The following INO80E variants were observed in gnomAD, a reference collection of about 807,000 sequenced individuals.
INO80E encodes the protein INO80 complex subunit E, also known as coiled-coil domain containing 95.
Under a neutral mutation model 27.3 loss-of-function variants are expected in INO80E, and 20 were observed. That is an observed-to-expected ratio of 0.73 (90% confidence interval 0.51 to 1.06). The LOEUF (loss-of-function observed/expected upper bound fraction) is 1.06, where lower values mean the gene tolerates loss of function less well. Among genes scored for constraint, INO80E ranks in the 50% least tolerant of loss-of-function variants. INO80E has a pLI of 0.00. For missense variants in INO80E, 357 were observed against 322.8 expected, an observed-to-expected ratio of 1.11 and a Z score of -0.81; for synonymous variants, 167 against 145.9, an observed-to-expected ratio of 1.14 and a Z score of -1.04.
Position 30,005,607 on chromosome 16 carries a change from G to T in INO80E, c.*165G>T. 1 of 701,206 alleles carries T rather than the reference G, an allele frequency of 1.4e-6. No homozygotes were observed. Among genetic ancestry groups the T allele is most frequent in the Non-Finnish European group, 2.4e-6 (1 of 420,626 alleles). 43.4% of individuals were successfully genotyped at this position (701,206 alleles called of 1,614,324 possible). A position where few individuals can be genotyped will look rare whatever the true frequency, so the allele number is the denominator to read the frequency against. The stretch of plus-strand genomic sequence containing the variant: ...AACATGCACGGGTGTCCCCCAGGAG[G>T]GTGGCAGGGGCCCTGCCTTCAAACC... On this transcript the variant is annotated 3_prime_UTR_variant, in exon 7 of 7. Coordinates refer to ENST00000563197, the MANE Select transcript of INO80E (RefSeq NM_173618.3).
rs758304357 is a variant in INO80E at position 29,996,404 on chromosome 16, G to A, written c.81+13G>A. On this transcript the variant is annotated intron_variant, in intron 1 of 6. Coordinates refer to ENST00000563197, the MANE Select transcript of INO80E (RefSeq NM_173618.3). Reference sequence around the variant, plus strand: ...GTTCCTCATCTACGTGAGTGCTGCCGCGGGAAGGCTGTGGGGGATGAGGCC... The same window carrying A: ...GTTCCTCATCTACGTGAGTGCTGCCACGGGAAGGCTGTGGGGGATGAGGCC... 6.3e-7 allele frequency: 1 copy of A among 1,580,462 alleles called. No individual in the cohort carries two copies. The highest frequency in any genetic ancestry group is 1.8e-5 in the Admixed American group (1 of 54,862).
intron 1 of INO80E, 48 bp from the exon 2 acceptor site, chr16:29,996,499 C>A: frequency 6.4e-7 from 1 of 1,552,546 alleles, no homozygotes; most frequent in East Asian, 2.4e-5. Flanking sequence ...GTTCCGGGGC[C>A]CTTCACGGAG....
chr16:30,001,293 C>CCGGGAG, intron 5 of INO80E, 121 bp from the exon 6 acceptor site: 1 of 1,492,998 alleles, frequency 6.7e-7, no homozygotes, highest in Admixed American at 2.2e-5. Context: ...CTCGGGAGCC[C>CCGGGAG]CGGGAGCCGC....
intron 5 of INO80E, 152 bp from the exon 6 acceptor site, chr16:30,001,262 C>A: frequency 6.7e-7 from 1 of 1,490,120 alleles, no homozygotes; most frequent in South Asian, 1.3e-5. Context: ...CAGCATCCTG[C>A]TGCTGCCCGG....
At chr16:30,001,778 G>A in intron 6 of INO80E, 1 of 470,520 alleles carries the variant, frequency 2.1e-6, no homozygotes, top group Non-Finnish European at 3.8e-6. Context: ...CATGGCTGCA[G>A]TGTAGCGGGG....
In INO80E at chr16:30,005,308, A is replaced by AACCCCCCCCCCCC; in HGVS notation, c.601_602insACCCCCCCCCCCC (p.Thr201AsnfsTer11). The AACCCCCCCCCCCC allele has an allele frequency of 1.9e-6, 1 of 521,326 alleles. No individual in the cohort carries two copies. Among genetic ancestry groups the AACCCCCCCCCCCC allele is most frequent in the Non-Finnish European group, 3.0e-6 (1 of 335,728 alleles). The allele number at this position is 521,326 out of a possible 1,614,324, so 32.3% of individuals were successfully genotyped here. ...TGGGGCTGGGGTCGGGACAACCCTG[A>AACCCCCCCCCCCC]CCCCCCTCCCACCCCCTAAGATGCC... is the stretch of plus-strand genomic sequence containing the variant. On this transcript the variant is annotated frameshift_variant, in exon 7 of 7. Coordinates refer to ENST00000563197, the MANE Select transcript of INO80E (RefSeq NM_173618.3). LOFTEE classifies it high-confidence loss of function.
intron 6 of INO80E, chr16:30,004,208 T>G (rs2070455366): frequency 6.6e-6 from 1 of 152,390 alleles, no homozygotes; most frequent in Non-Finnish European, 1.5e-5. Context: ...AGGTTCAGCC[T>G]CCTCTGCTGG....
At position 29,996,304 on chromosome 16, in the gene INO80E, GC is replaced by G; in HGVS notation, c.-5del. ...GGCAGACTCTGGGCGCCACTCCCGG[GC>G]CGGTCATGAACGGGCCGGCGGACGG... On this transcript the variant is annotated 5_prime_UTR_variant, in exon 1 of 7. Coordinates refer to ENST00000563197, the MANE Select transcript of INO80E (RefSeq NM_173618.3). 1.9e-6 allele frequency: 3 copies of G among 1,589,104 alleles called. No homozygotes were observed. Among genetic ancestry groups the G allele is most frequent in the Non-Finnish European group, 2.6e-6 (3 of 1,167,804 alleles).
chr16:30,001,575 G>A, intron 6 of INO80E, 45 bp downstream of exon 6: 1 of 1,569,512 alleles, frequency 6.4e-7, no homozygotes, highest in Non-Finnish European at 8.7e-7. Flanking sequence ...ACGGCAGGAG[G>A]ACAGTCACCT....
rs2070325722 is a variant in INO80E at position 30,000,918 on chromosome 16, C to G, written c.285-11C>G. The G allele has an allele frequency of 1.9e-5, 31 of 1,605,554 alleles. No homozygotes were observed. The highest frequency in any genetic ancestry group is 2.6e-5 in the Non-Finnish European group (30 of 1,173,654). On this transcript the variant is annotated splice_polypyrimidine_tract_variant and intron_variant, in intron 4 of 6. Transcript: ENST00000563197. The stretch of plus-strand genomic sequence containing the variant: ...CTAGCCACATCTGACCTCGCCCTGT[C>G]CTTTCTCCAGGAAGAGAAGCCCTCC...
In INO80E at chr16:29,996,246, C is replaced by T; in HGVS notation, c.-65C>T. On this transcript the variant is annotated 5_prime_UTR_variant, in exon 1 of 7. Transcript: ENST00000563197. ...GCGTCTCCGGAAGTGGAGGCGGGAG[C>T]GGCACGGCAGCCACTGCTTGGGGTA... The T allele has an allele frequency of 1.4e-6, 2 of 1,459,210 alleles. No homozygotes were observed. Among genetic ancestry groups the T allele is most frequent in the Non-Finnish European group, 1.9e-6 (2 of 1,065,268 alleles). The allele number at this position is 1,459,210 out of a possible 1,614,324, so 90.4% of individuals were successfully genotyped here. A position where few individuals can be genotyped will look rare whatever the true frequency, so the allele number is the denominator to read the frequency against.
intron 5 of INO80E, 80 bp from the exon 6 acceptor site, chr16:30,001,334 C>T (rs1466430641): frequency 4.0e-6 from 6 of 1,513,620 alleles, no homozygotes; most frequent in Admixed American, 2.1e-5. Flanking sequence ...TTTTTCCATC[C>T]TCCTTCTGTT....
intron 3 of INO80E, among the ~76,000 whole-genome samples, chr16:29,998,994 G>A (rs1320355447): frequency 2.0e-5 from 3 of 151,482 alleles, no homozygotes; most frequent in Non-Finnish European, 2.9e-5. Flanking sequence ...GCAGTGAGCC[G>A]AGATTACGCC....
In INO80E at chr16:29,996,865, G is replaced by A; in HGVS notation, c.205+5G>A. 1.9e-6 allele frequency: 3 copies of A among 1,614,070 alleles called. No homozygotes were observed. The highest frequency in any genetic ancestry group is 2.5e-6 in the Non-Finnish European group (3 of 1,179,920). ...ACGTGGATGAAGACTCTTCGGGTGA[G>A]CAAGGTCTTCAAAAATTGGTGGAGA... On this transcript the variant is annotated splice_donor_5th_base_variant and intron_variant, in intron 3 of 6. Transcript: ENST00000563197.
intron 3 of INO80E, among the ~76,000 whole-genome samples, chr16:29,997,946 G>A (rs140332496): frequency 3.6e-4 from 55 of 152,056 alleles, no homozygotes; most frequent in Non-Finnish European, 7.2e-4. Flanking sequence ...GCCATGTATA[G>A]TGGTGTATAC....
rs1303385446 is a variant in INO80E, at chr16:30,003,634, CTCTT to C, written c.514-1583_514-1580del. ...TCATTTCACTCTTTAAGCCACAGCT[CTCTT>C]TCTCCATTCAGTGGCGGCATTGTGC... On this transcript the variant is annotated intron_variant, in intron 6 of 6. Coordinates refer to ENST00000563197, the MANE Select transcript of INO80E (RefSeq NM_173618.3). This position sits in a 1 kb window ranked among gnomAD's most constrained non-coding sequence, Gnocchi z 4.4. 2 of 152,276 alleles carry C rather than the reference CTCTT, an allele frequency of 1.3e-5. No individual in the cohort carries two copies. The highest frequency in any genetic ancestry group is 4.8e-5 in the African/African-American group (2 of 41,456). 9.4% of individuals were successfully genotyped at this position (152,276 alleles called of 1,614,324 possible). A position where few individuals can be genotyped will look rare whatever the true frequency, so the allele number is the denominator to read the frequency against.
chr16:30,001,280 G>C, intron 5 of INO80E, 134 bp from the exon 6 acceptor site: 1 of 1,492,272 alleles, frequency 6.7e-7, no homozygotes, highest in Non-Finnish European at 9.0e-7. Flanking sequence ...CGGCCCTTCT[G>C]TGCTCGGGAG....
At chr16:30,004,927 CAG>C (rs1285626149) in intron 6 of INO80E, among the ~76,000 whole-genome samples, 4 of 152,164 alleles carry the variant, frequency 2.6e-5, no homozygotes, top group Admixed American at 2.6e-4. Flanking sequence ...ACCCCTGTCT[CAG>C]GGCAGCCCAG....
chr16:29,998,290 CAA>C (rs796207569), intron 3 of INO80E, among the ~76,000 whole-genome samples: 18 of 77,586 alleles, frequency 2.3e-4, no homozygotes, highest in African/African-American at 3.4e-4. Flanking sequence ...GACTCCATCT[CAA>C]AAAAAAAAAA....
Sources: allele counts gnomAD v4.1 joint callset (sites outside exome capture counted in the v4.1 genomes callset), GRCh38; gene constraint gnomAD v4.1.1; non-coding constraint Gnocchi (gnomAD v3.1); transcripts MANE v1.5; gene names NCBI Gene and HGNC (gene_info 2026-07-23, HGNC 2026-07-21).